Variants in DSCAML1 observed in about 807,000 individuals in gnomAD.
The protein encoded by DSCAML1 is DS cell adhesion molecule like 1.
DSCAML1 carries 38 observed loss-of-function variants against 200.5 expected under a neutral mutation model. That is an observed-to-expected ratio of 0.19 (90% CI 0.15 to 0.25). The LOEUF is 0.25. Among genes scored for constraint, DSCAML1 ranks in the 10% least tolerant of loss-of-function variants. The probability of loss-of-function intolerance (pLI) is 1.00; values close to 1 mark genes in which losing one functional copy is unlikely to be tolerated. For missense variants in DSCAML1, 2,223 were observed against 2,858.8 expected (o/e 0.78, Z 5.07); for synonymous variants, 1,215 against 1,165.0 (o/e 1.04, Z -0.87).
intron 3 of DSCAML1, among the ~76,000 whole-genome samples, chr11:117,659,822 G>A (rs1489480127): frequency 1.3e-5 from 2 of 152,152 alleles, no homozygotes; most frequent in East Asian, 1.9e-4. Context: ...GGGTTCAAGC[G>A]ATTCTCCCAC....
chr11:117,631,218 C>T (rs2052166045), intron 3 of DSCAML1, among the ~76,000 whole-genome samples: 1 of 152,218 alleles, frequency 6.6e-6, no homozygotes, highest in Non-Finnish European at 1.5e-5. Context: ...ATCTGAGCTA[C>T]CTGGGGGCCT....
At chr11:117,572,974 A>T (rs956758060) in intron 3 of DSCAML1, among the ~76,000 whole-genome samples, 2 of 152,118 alleles carry the variant, frequency 1.3e-5, no homozygotes, top group Non-Finnish European at 2.9e-5. Flanking sequence ...TAATGGCCCT[A>T]ATGGTGATAA....
chr11:117,475,816 G>A (rs896494883), intron 14 of DSCAML1, among the ~76,000 whole-genome samples: 19 of 151,910 alleles, frequency 1.3e-4, no homozygotes, highest in Admixed American at 1.1e-3. Flanking sequence ...TTTGCCTCCC[G>A]TGGTTTGCAG....
intron 32 of DSCAML1, among the ~76,000 whole-genome samples, chr11:117,430,079 C>T (rs2047754735): frequency 6.6e-6 from 1 of 152,208 alleles, no homozygotes; most frequent in Admixed American, 6.5e-5. Flanking sequence ...ATAGTCTGGG[C>T]TTTGCACGCT....
chr11:117,809,131 G>T (rs114661947), intron 1 of DSCAML1, among the ~76,000 whole-genome samples: 4 of 152,242 alleles, frequency 2.6e-5, no homozygotes, highest in Non-Finnish European at 5.9e-5. Context: ...TTCCAGATCC[G>T]TTGGGAATGC....
chr11:117,682,864 T>C (rs1240832862), intron 3 of DSCAML1, among the ~76,000 whole-genome samples: 1 of 152,164 alleles, frequency 6.6e-6, no homozygotes, highest in East Asian at 1.9e-4. Context: ...GTCTCCTGGC[T>C]CCCATTCTAC....
intron 17 of DSCAML1, among the ~76,000 whole-genome samples, chr11:117,464,129 T>C (rs895876981): frequency 6.6e-6 from 1 of 152,108 alleles, no homozygotes; most frequent in Admixed American, 6.5e-5. Context: ...TTTCGCTCTG[T>C]TGGGGCGGGG....
chr11:117,547,815 G>A (rs2050403137), intron 3 of DSCAML1, among the ~76,000 whole-genome samples: 2 of 152,128 alleles, frequency 1.3e-5, no homozygotes, highest in South Asian at 4.1e-4. Context: ...TCAGGATGAA[G>A]ACCAAAATCC....
intron 19 of DSCAML1, among the ~76,000 whole-genome samples, chr11:117,456,890 G>T (rs945104611): frequency 3.9e-5 from 6 of 152,034 alleles, no homozygotes; most frequent in Non-Finnish European, 4.4e-5. Context: ...GTCCAGGCTG[G>T]TCTCGCACTC....
At chr11:117,758,918 G>A (rs1421825380) in intron 3 of DSCAML1, among the ~76,000 whole-genome samples, 2 of 152,142 alleles carry the variant, frequency 1.3e-5, no homozygotes, top group African/African-American at 2.4e-5. Context: ...CATCGAGGAG[G>A]AGACTTGATA....
At chr11:117,790,288 T>A (rs2055436394) in intron 1 of DSCAML1, among the ~76,000 whole-genome samples, 1 of 152,196 alleles carries the variant, frequency 6.6e-6, no homozygotes, top group Non-Finnish European at 1.5e-5. Flanking sequence ...GGACTACACT[T>A]GCATCTAAGA....
In DSCAML1 at chr11:117,780,885, G is replaced by C; in HGVS notation, c.47-75C>G. 8.1e-7 allele frequency: 1 copy of C among 1,240,800 alleles called. No homozygotes were observed. Among genetic ancestry groups the C allele is most frequent in the Non-Finnish European group, 1.1e-6 (1 of 951,138 alleles). The allele number at this position is 1,240,800 out of a possible 1,614,324, so 76.9% of individuals were successfully genotyped here. A position where few individuals can be genotyped will look rare whatever the true frequency, so the allele number is the denominator to read the frequency against. ...ACCCATATAAGCCACGGAGGCTTGC[G>C]ACAGGCTGCACTCATTCACCTGACC... On this transcript the variant is annotated intron_variant, in intron 1 of 32. Transcript: ENST00000651296. The surrounding 1 kb of genome is among the most constrained non-coding windows in gnomAD (Gnocchi z 4.8).
At chr11:117,515,036 CAGT>C (rs1047875235) in intron 8 of DSCAML1, among the ~76,000 whole-genome samples, 7 of 152,268 alleles carry the variant, frequency 4.6e-5, no homozygotes, top group African/African-American at 1.7e-4. Flanking sequence ...GCCGCAGTGA[CAGT>C]GGCAGATCAT....
intron 3 of DSCAML1, among the ~76,000 whole-genome samples, chr11:117,646,665 G>A (rs957551068): frequency 3.3e-5 from 5 of 152,102 alleles, no homozygotes; most frequent in African/African-American, 7.2e-5. Context: ...TAGTGACATC[G>A]TGTTGGTAGC....
intron 3 of DSCAML1, among the ~76,000 whole-genome samples, chr11:117,696,120 T>C (rs1302055319): frequency 6.6e-6 from 1 of 152,154 alleles, no homozygotes; most frequent in Non-Finnish European, 1.5e-5. Context: ...GAAGGAAAGG[T>C]TAGCGAGTAA....
chr11:117,769,510 TTA>T (rs1565274244), intron 3 of DSCAML1, among the ~76,000 whole-genome samples: 1 of 81,994 alleles, frequency 1.2e-5, no homozygotes, highest in Non-Finnish European at 2.1e-5. Context: ...AATATATATT[TTA>T]TATATATTAT....
chr11:117,554,421 C>T (rs376996946), intron 3 of DSCAML1, among the ~76,000 whole-genome samples: 19 of 152,268 alleles, frequency 1.2e-4, no homozygotes, highest in African/African-American at 4.3e-4. Context: ...TGCTCTGTCA[C>T]CCAGGCTGGA....
At chr11:117,706,140 A>C (rs1335419115) in intron 3 of DSCAML1, among the ~76,000 whole-genome samples, 3 of 152,128 alleles carry the variant, frequency 2.0e-5, no homozygotes, top group Non-Finnish European at 4.4e-5. Flanking sequence ...TCCTCACACC[A>C]ATCCGGATTT....
intron 21 of DSCAML1, 39 bp downstream of exon 21, chr11:117,443,847 G>T: frequency 1.3e-6 from 2 of 1,541,408 alleles, no homozygotes; most frequent in Non-Finnish European, 8.7e-7. Context: ...GGAGCTTTTG[G>T]AAGTGTTTGC....
Sources: gnomAD v4.1 joint callset for allele counts (sites outside exome capture counted in the v4.1 genomes callset) on GRCh38, gnomAD v4.1.1 for gene constraint, Gnocchi (gnomAD v3.1) non-coding constraint, MANE v1.5 for transcripts, NCBI Gene and HGNC (gene_info 2026-07-23, HGNC 2026-07-21) for gene names.